SLC45A4: variants seen among roughly 807,000 people sequenced by gnomAD.
The protein encoded by SLC45A4 is solute carrier family 45 member 4, also known as polyamine-transporter SLC45A4.
SLC45A4 carries 32 observed loss-of-function variants against 63.7 expected under a neutral mutation model. The ratio of observed to expected loss-of-function variants is 0.50; its 90% CI spans 0.38 to 0.67. SLC45A4 has a LOEUF of 0.67. SLC45A4 is among the 30% of genes least tolerant of loss of function. SLC45A4 has a pLI of 0.00. For missense variants in SLC45A4, 1,027 were observed against 1,157.7 expected (o/e 0.89, Z 1.64); for synonymous variants, 535 against 510.0 (o/e 1.05, Z -0.66).
chr8:141,238,288 CT>C (rs957003069), intron 2 of SLC45A4, among the ~76,000 whole-genome samples: 166 of 151,750 alleles, frequency 1.1e-3, no homozygotes, highest in Non-Finnish European at 1.7e-3. Context: ...AAAGTCGCCC[CT>C]TTTTTTTTCA....
At chr8:141,237,493 G>C (rs1264883871) in intron 2 of SLC45A4, among the ~76,000 whole-genome samples, 3 of 152,158 alleles carry the variant, frequency 2.0e-5, no homozygotes, top group African/African-American at 7.2e-5. Context: ...CATTGCGCTG[G>C]GTGTCCCTCT....
intron 2 of SLC45A4, among the ~76,000 whole-genome samples, chr8:141,241,815 G>A (rs1170282884): frequency 1.3e-5 from 2 of 152,170 alleles, no homozygotes; most frequent in Non-Finnish European, 2.9e-5. Context: ...TTCTGCTCTA[G>A]AGCGCCTTCA....
At chr8:141,275,124 C>T (rs773976807) in intron 1 of SLC45A4, among the ~76,000 whole-genome samples, 3 of 152,200 alleles carry the variant, frequency 2.0e-5, no homozygotes, top group African/African-American at 4.8e-5. Context: ...CCCTCCTCTA[C>T]GAGAGAGGAG....
At position 141,229,618 on chromosome 8, in the gene SLC45A4, G is replaced by A. The variant is rs1010565788; in HGVS notation, c.242-7853C>T. Reference sequence around the variant, plus strand: ...AAGCACGTGGCAGGTGACGGCACCCGCAGACCACGGCCTGCACCCATGGCA... The same window carrying A: ...AAGCACGTGGCAGGTGACGGCACCCACAGACCACGGCCTGCACCCATGGCA... On this transcript the variant is annotated intron_variant, in intron 2 of 8. Coordinates refer to ENST00000517878, the MANE Select transcript of SLC45A4 (RefSeq NM_001286646.2). The surrounding 1 kb of genome is among the most constrained non-coding windows in gnomAD (Gnocchi z 5.0). 1.3e-5 allele frequency among the ~76,000 whole-genome samples: 2 copies of A among 152,080 alleles called. No homozygotes were observed. The highest frequency in any genetic ancestry group is 4.8e-5 in the African/African-American group (2 of 41,390).
rs762686238 is a variant in SLC45A4 at position 141,218,249 on chromosome 8, C to T, written c.1391G>A (p.Arg464Gln). ...GTTCCGGTGCCGGTGCTGCCGCTGCCGCTTCTGCATGTCGTACAGGTCGCT... is the reference window on the plus strand; with the variant it reads ...GTTCCGGTGCCGGTGCTGCCGCTGCTGCTTCTGCATGTCGTACAGGTCGCT... ...SMSDLYDMQK[R>Q]QRQHRHRNQS... Residue 464 changes from arginine (R) to glutamine (Q), a missense_variant, in exon 5 of 9, where the codon CGG (arginine) becomes CAG (glutamine). Physicochemically the swap from Arg to Gln is conservative, Grantham distance 43. Coordinates refer to ENST00000517878, the MANE Select transcript of SLC45A4 (RefSeq NM_001286646.2). 26 of 1,602,100 alleles carry T rather than the reference C, an allele frequency of 1.6e-5. No individual in the cohort carries two copies. The highest frequency in any genetic ancestry group is 2.2e-5 in the South Asian group (2 of 91,056).
In SLC45A4 at chr8:141,211,344, C is replaced by T; in HGVS notation, c.*228G>A. 7.3e-7 allele frequency: 1 copy of T among 1,365,696 alleles called. No homozygotes were observed. Among genetic ancestry groups the T allele is most frequent in the Non-Finnish European group, 9.8e-7 (1 of 1,017,014 alleles). 84.6% of individuals were successfully genotyped at this position (1,365,696 alleles called of 1,614,324 possible). A position where few individuals can be genotyped will look rare whatever the true frequency, so the allele number is the denominator to read the frequency against. ...TCACATGGCTGGGCGCAGACACACT[C>T]ACACGCGCACGCAGGAGCTCGTCTG... On this transcript the variant is annotated 3_prime_UTR_variant, in exon 9 of 9. Transcript: ENST00000517878.
At chr8:141,263,434 AAAT>A (rs1829123370) in intron 1 of SLC45A4, among the ~76,000 whole-genome samples, 3 of 151,858 alleles carry the variant, frequency 2.0e-5, no homozygotes, top group African/African-American at 7.3e-5. Flanking sequence ...AAAAATAAAT[AAAT>A]AAATAAATAA....
chr8:141,253,052 CGT>C (rs1212499172), intron 2 of SLC45A4: 3 of 144,248 alleles, frequency 2.1e-5, no homozygotes, highest in African/African-American at 2.9e-5. Context: ...TGTGAATTTC[CGT>C]GTTTTCACGC....
chr8:141,216,009 CGGCT>C, intron 6 of SLC45A4, 39 bp from the exon 7 acceptor site: 1 of 1,579,342 alleles, frequency 6.3e-7, no homozygotes, highest in Non-Finnish European at 8.6e-7. Context: ...AGTGGGCAGG[CGGCT>C]GGCTCCTGTC....
chr8:141,294,002 G>C (rs1830449783), intron 1 of SLC45A4, among the ~76,000 whole-genome samples: 1 of 151,592 alleles, frequency 6.6e-6, no homozygotes, highest in Non-Finnish European at 1.5e-5. Flanking sequence ...GAAAAAGTGA[G>C]AAAAAATGGT....
At chr8:141,236,625 C>T (rs1827637993) in intron 2 of SLC45A4, among the ~76,000 whole-genome samples, 2 of 152,116 alleles carry the variant, frequency 1.3e-5, no homozygotes, top group African/African-American at 4.8e-5. Context: ...ACAAAATGAC[C>T]ATCATCTGGG....
At chr8:141,258,231 G>A (rs1160005682) in intron 1 of SLC45A4, among the ~76,000 whole-genome samples, 1 of 152,070 alleles carries the variant, frequency 6.6e-6, no homozygotes, top group Non-Finnish European at 1.5e-5. Flanking sequence ...TCTCTAACAG[G>A]AAAGAAGGCG....
intron 1 of SLC45A4, among the ~76,000 whole-genome samples, chr8:141,263,386 GAAGAAGAAAAAAGAAAT>G (rs1467667288): frequency 1.6e-5 from 1 of 61,582 alleles, no homozygotes; most frequent in Admixed American, 1.7e-4. Context: ...TTTAAAAAAA[GAAGAAGAAAAAAGAAAT>G]AAAGTCAACA....
At chr8:141,271,636 C>T (rs913750833) in intron 1 of SLC45A4, among the ~76,000 whole-genome samples, 5 of 152,206 alleles carry the variant, frequency 3.3e-5, no homozygotes, top group Non-Finnish European at 7.3e-5. Flanking sequence ...AAGCTCAGCT[C>T]TTCTCCACCA....
intron 1 of SLC45A4, among the ~76,000 whole-genome samples, chr8:141,276,495 C>T (rs1829732654): frequency 6.6e-6 from 1 of 152,204 alleles, no homozygotes; most frequent in African/African-American, 2.4e-5. Context: ...CTGGCAACAG[C>T]ATGAAAGTGG....
intron 1 of SLC45A4, among the ~76,000 whole-genome samples, chr8:141,269,397 G>T (rs1259474562): frequency 1.3e-5 from 2 of 152,194 alleles, no homozygotes; most frequent in East Asian, 1.9e-4. Context: ...AGCTTGCTGT[G>T]AATCTGCAGC....
intron 2 of SLC45A4, among the ~76,000 whole-genome samples, chr8:141,239,588 ACACACACACACGCACG>A (rs1386215780): frequency 6.8e-6 from 1 of 147,932 alleles, no homozygotes; most frequent in Non-Finnish European, 1.5e-5. Context: ...ACACACACAC[ACACACACACACGCACG>A]CACACACACA....
intron 3 of SLC45A4, among the ~76,000 whole-genome samples, chr8:141,221,342 A>G (rs899421946): frequency 6.6e-6 from 1 of 152,286 alleles, no homozygotes; most frequent in Non-Finnish European, 1.5e-5. Flanking sequence ...CATTAAAAAC[A>G]AACCATCACA....
intron 1 of SLC45A4, among the ~76,000 whole-genome samples, chr8:141,283,143 C>G (rs1487981244): frequency 6.6e-6 from 1 of 152,266 alleles, no homozygotes; most frequent in Non-Finnish European, 1.5e-5. Context: ...ATCACTGCTT[C>G]TCCTATCCCA....
Sources: allele counts gnomAD v4.1 joint callset (sites outside exome capture counted in the v4.1 genomes callset), GRCh38; gene constraint gnomAD v4.1.1; non-coding constraint Gnocchi (gnomAD v3.1); transcripts MANE v1.5; gene names NCBI Gene and HGNC (gene_info 2026-07-23, HGNC 2026-07-21).